Variants in SMYD3 observed in about 807,000 individuals in gnomAD.
SMYD3 encodes the protein SET and MYND domain containing 3, also known as histone-lysine N-methyltransferase SMYD3.
In SMYD3, 36 loss-of-function variants were observed where a neutral mutation model predicts 57.7. That is an observed-to-expected ratio of 0.62 (90% CI 0.48 to 0.82). The LOEUF is 0.82. Among genes scored for constraint, SMYD3 ranks in the 40% least tolerant of loss-of-function variants. The pLI is 0.00. For missense variants in SMYD3, 515 were observed against 538.8 expected, an observed-to-expected ratio of 0.96 and a Z score of 0.44; for synonymous variants, 211 against 195.0, an observed-to-expected ratio of 1.08 and a Z score of -0.68.
At chr1:245,994,673 T>G (rs1243531322) in intron 5 of SMYD3, among the ~76,000 whole-genome samples, 11 of 152,160 alleles carry the variant, frequency 7.2e-5, no homozygotes, top group Admixed American at 2.0e-4. Flanking sequence ...TAAAATGACT[T>G]TTTATGCCTT....
intron 5 of SMYD3, among the ~76,000 whole-genome samples, chr1:246,161,289 C>T (rs1478970957): frequency 2.6e-5 from 4 of 152,160 alleles, no homozygotes; most frequent in East Asian, 1.9e-4. Context: ...CAGCTTTCAG[C>T]GTGCACTTCA....
chr1:245,823,074 G>T (rs1343458268), intron 10 of SMYD3, among the ~76,000 whole-genome samples: 1 of 152,196 alleles, frequency 6.6e-6, no homozygotes, highest in African/African-American at 2.4e-5. Flanking sequence ...AGGCACAAGG[G>T]CCCTGACGAG....
chr1:245,987,758 C>CT (rs2058731757), intron 5 of SMYD3, among the ~76,000 whole-genome samples: 1 of 152,224 alleles, frequency 6.6e-6, no homozygotes, highest in Non-Finnish European at 1.5e-5. Context: ...AAGCACCACA[C>CT]TGGAGCCTGA....
chr1:246,066,050 A>C (rs73137848), intron 5 of SMYD3, among the ~76,000 whole-genome samples: 7 of 152,228 alleles, frequency 4.6e-5, no homozygotes, highest in African/African-American at 1.4e-4. Context: ...TAAAAGGACA[A>C]GAGAACATAG....
At chr1:245,884,302 C>T (rs904371769) in intron 8 of SMYD3, among the ~76,000 whole-genome samples, 2 of 152,044 alleles carry the variant, frequency 1.3e-5, no homozygotes, top group African/African-American at 2.4e-5. Context: ...CCAGGGTAAT[C>T]GAGGATGCAG....
In SMYD3 at chr1:246,327,211, GCTTCA is replaced by G; in HGVS notation, c.516_520del (p.Glu173LeufsTer13). On this transcript the variant is annotated frameshift_variant, in exon 5 of 12. Coordinates refer to ENST00000490107, the MANE Select transcript of SMYD3 (RefSeq NM_001167740.2). LOFTEE classifies it high-confidence loss of function. ...AAACTTAACACTTACTTTTGCAAAG[GCTTCA>G]AAAAGGTCAAAGGCAGGTGGCAGCT... The G allele has an allele frequency of 6.2e-7, 1 of 1,614,046 alleles. No individual in the cohort carries two copies. Among genetic ancestry groups the G allele is most frequent in the Non-Finnish European group, 8.5e-7 (1 of 1,180,004 alleles).
At chr1:246,284,963 CT>C (rs35254468) in intron 5 of SMYD3, among the ~76,000 whole-genome samples, 145 of 145,876 alleles carry the variant, frequency 9.9e-4, no homozygotes, top group Non-Finnish European at 1.2e-3. Flanking sequence ...ACTGCCTTTC[CT>C]TTTTTTTTTT....
intron 5 of SMYD3, among the ~76,000 whole-genome samples, chr1:246,041,449 T>G (rs1244731041): frequency 6.6e-6 from 1 of 152,194 alleles, no homozygotes; most frequent in Non-Finnish European, 1.5e-5. Context: ...ATAACAGCAT[T>G]CTGAAGTTTC....
rs144137711 is a variant in SMYD3 at position 245,765,045 on chromosome 1, T to TGCACACAC, written c.1077-897_1077-896insGTGTGTGC. 3.7e-3 allele frequency among the ~76,000 whole-genome samples: 494 copies of TGCACACAC among 134,602 alleles called. 1 individual carries two copies. Among genetic ancestry groups the TGCACACAC allele is most frequent in the African/African-American group, 5.9e-3 (209 of 35,622 alleles). 88.3% of individuals were successfully genotyped at this position (134,602 alleles called of 152,430 possible). The stretch of plus-strand genomic sequence containing the variant: ...CAGAATTGTCTCTGGTGGAAATGCC[T>TGCACACAC]ACACACACACACACACACACACACA... On this transcript the variant is annotated intron_variant, in intron 10 of 11. Coordinates refer to ENST00000490107, the MANE Select transcript of SMYD3 (RefSeq NM_001167740.2).
At chr1:246,399,821 G>A (rs2066738529) in intron 1 of SMYD3, among the ~76,000 whole-genome samples, 1 of 152,194 alleles carries the variant, frequency 6.6e-6, no homozygotes. Flanking sequence ...GCTATGAGAT[G>A]TATTAACATT....
chr1:246,177,988 A>G (rs1051252580), intron 5 of SMYD3, among the ~76,000 whole-genome samples: 1 of 152,192 alleles, frequency 6.6e-6, no homozygotes, highest in South Asian at 2.1e-4. Flanking sequence ...TGATGTTTAT[A>G]AAAATGGCAG....
chr1:246,100,184 C>G (rs545599374), intron 5 of SMYD3, among the ~76,000 whole-genome samples: 2 of 152,190 alleles, frequency 1.3e-5, no homozygotes, highest in East Asian at 3.9e-4. Flanking sequence ...GCACTCTAGC[C>G]TGGTGACAGA....
chr1:245,751,978 T>A (rs1376959370), intron 11 of SMYD3, among the ~76,000 whole-genome samples: 1 of 152,244 alleles, frequency 6.6e-6, no homozygotes, highest in African/African-American at 2.4e-5. Flanking sequence ...ATGGCATTCA[T>A]GGAGCACATG....
intron 1 of SMYD3, among the ~76,000 whole-genome samples, chr1:246,418,732 C>T (rs1468952422): frequency 6.6e-6 from 1 of 152,110 alleles, no homozygotes; most frequent in East Asian, 1.9e-4. Flanking sequence ...TCTCCTCCAA[C>T]CGTCCCAGCC....
intron 1 of SMYD3, among the ~76,000 whole-genome samples, chr1:246,417,060 C>A (rs1211388771): frequency 2.6e-5 from 4 of 152,146 alleles, no homozygotes; most frequent in Non-Finnish European, 5.9e-5. Flanking sequence ...AATACAACAA[C>A]CTCTGTTCAC....
chr1:246,180,634 C>A (rs2062529882), intron 5 of SMYD3, among the ~76,000 whole-genome samples: 1 of 151,076 alleles, frequency 6.6e-6, no homozygotes, highest in South Asian at 2.1e-4. Context: ...TGGTGGATGC[C>A]TGTAGTCCCA....
intron 8 of SMYD3, among the ~76,000 whole-genome samples, chr1:245,881,764 A>G (rs2052791194): frequency 6.6e-6 from 1 of 152,228 alleles, no homozygotes; most frequent in Non-Finnish European, 1.5e-5. Context: ...CCTGATTTTC[A>G]TAGGGTAGTC....
intron 5 of SMYD3, among the ~76,000 whole-genome samples, chr1:246,236,310 A>G (rs10802362): frequency 0.21 from 31,587 of 152,184 alleles, 4,004 homozygotes; most frequent in East Asian, 0.58. Context: ...AGCTCACTGC[A>G]GCCTCAACCT....
chr1:246,504,430 AC>A (rs2068505378), intron 1 of SMYD3, among the ~76,000 whole-genome samples: 1 of 152,220 alleles, frequency 6.6e-6, no homozygotes, highest in Non-Finnish European at 1.5e-5. Context: ...ACTGTAGGTA[AC>A]TGTAAAACAA....
Sources: gnomAD v4.1 joint callset for allele counts (sites outside exome capture counted in the v4.1 genomes callset) on GRCh38, gnomAD v4.1.1 for gene constraint, MANE v1.5 for transcripts, NCBI Gene and HGNC (gene_info 2026-07-23, HGNC 2026-07-21) for gene names.